Variants in KLHL22 observed in about 807,000 individuals in gnomAD.
The protein encoded by KLHL22 is kelch like family member 22.
KLHL22 carries 18 observed loss-of-function variants against 60.7 expected under a neutral mutation model. The observed-to-expected ratio is 0.30, with a 90% CI of 0.20 to 0.44. The LOEUF (loss-of-function observed/expected upper bound fraction) is 0.44, where lower values mean the gene tolerates loss of function less well. Among genes scored for constraint, KLHL22 ranks in the 20% least tolerant of loss-of-function variants. The probability of loss-of-function intolerance (pLI) is 1.00; values close to 1 mark genes in which losing one functional copy is unlikely to be tolerated. For synonymous variants in KLHL22, 355 were observed against 354.5 expected (o/e 1.00, Z -0.01); for missense variants, 596 against 852.3 (o/e 0.70, Z 3.74).
At chr22:20,489,824 G>A (rs2053653834) in intron 1 of KLHL22, 1 of 470,800 alleles carries the variant, frequency 2.1e-6, no homozygotes, top group African/African-American at 2.0e-5. Flanking sequence ...TGCCAAGGGG[G>A]TGGCATTTCC....
chr22:20,459,584 G>A (rs2053120519), intron 4 of KLHL22, among the ~76,000 whole-genome samples: 1 of 152,210 alleles, frequency 6.6e-6, no homozygotes, highest in South Asian at 2.1e-4. Flanking sequence ...AAGTGTCCTT[G>A]TTAACTTGGG....
Position 20,464,854 on chromosome 22 carries a change from C to T in KLHL22, c.1112+4G>A, listed in dbSNP as rs1177224290. The stretch of plus-strand genomic sequence containing the variant: ...CAAAGGGACCAGCTAGCACCCTGTC[C>T]TACCTCCAGCATCGGGACTCTGCTC... On this transcript the variant is annotated splice_donor_region_variant and intron_variant, in intron 4 of 6. Coordinates refer to ENST00000328879, the MANE Select transcript of KLHL22 (RefSeq NM_032775.4). 9.9e-6 allele frequency: 15 copies of T among 1,514,384 alleles called. No individual in the cohort carries two copies. Among genetic ancestry groups the T allele is most frequent in the African/African-American group, 1.4e-5 (1 of 71,950 alleles). 93.8% of individuals were successfully genotyped at this position (1,514,384 alleles called of 1,614,324 possible).
chr22:20,470,774 GGATGGATGGATA>G (rs1160175889), intron 3 of KLHL22, among the ~76,000 whole-genome samples: 5 of 139,816 alleles, frequency 3.6e-5, no homozygotes, highest in Non-Finnish European at 6.2e-5. Context: ...ATGCATGCAT[GGATGGATGGATA>G]GATGGATGGA....
chr22:20,470,760 A>G (rs1255295196), intron 3 of KLHL22, among the ~76,000 whole-genome samples: 1 of 150,110 alleles, frequency 6.7e-6, no homozygotes, highest in Admixed American at 6.6e-5. Context: ...GCCACCATGG[A>G]TGGATGCATG....
chr22:20,484,508 T>C (rs908801455), intron 2 of KLHL22, among the ~76,000 whole-genome samples: 2 of 152,136 alleles, frequency 1.3e-5, no homozygotes, highest in South Asian at 4.1e-4. Context: ...TTGGCCACAC[T>C]GGTCTTGAAC....
chr22:20,448,533 T>C (rs940991195), intron 5 of KLHL22, among the ~76,000 whole-genome samples: 4 of 152,242 alleles, frequency 2.6e-5, no homozygotes, highest in African/African-American at 9.6e-5. Flanking sequence ...CTATTACCAA[T>C]AAAGCTACTA....
Position 20,465,393 on chromosome 22 carries a change from A to G in KLHL22, c.577T>C (p.Leu193=), listed in dbSNP as rs368788549. The G allele has an allele frequency of 6.5e-5, 105 of 1,614,126 alleles. No individual in the cohort carries two copies. Among genetic ancestry groups the G allele is most frequent in the Admixed American group, 1.2e-4 (7 of 60,012 alleles). The part of the protein sequence containing the change: ...SRTDKYRQLP[L]EKVYSLLSSN... ...CTGAGGAGGGAGTAGACCTTCTCCA[A>G]TGGAAGCTGGCGGTACTTGTCAGTC... The change falls in exon 4 of 7, where the codon TTG becomes CTG. Residue 193 remains leucine (L), a synonymous_variant. Coordinates refer to ENST00000328879, the MANE Select transcript of KLHL22 (RefSeq NM_032775.4). The surrounding 1 kb of genome is among the most constrained non-coding windows in gnomAD (Gnocchi z 4.9).
intron 3 of KLHL22, 96 bp downstream of exon 3, chr22:20,471,254 T>G (rs2053322436): frequency 3.3e-6 from 4 of 1,194,676 alleles, no homozygotes; most frequent in Admixed American, 2.2e-5. Flanking sequence ...TCCTGACCCA[T>G]CTTCAAGCCA....
chr22:20,493,695 T>C (rs2053725158), intron 1 of KLHL22, among the ~76,000 whole-genome samples: 1 of 151,760 alleles, frequency 6.6e-6, no homozygotes, highest in South Asian at 2.1e-4. Flanking sequence ...GGCAGGAGAA[T>C]CACGCCACTG....
At position 20,484,060 on chromosome 22, in the gene KLHL22, G is replaced by C; in HGVS notation, c.227+4925C>G. The C allele has an allele frequency of 5.1e-6, 5 of 978,006 alleles. No individual in the cohort carries two copies. The Admixed American group carries it at 8.8e-5, about 17-fold the overall frequency. 60.6% of individuals were successfully genotyped at this position (978,006 alleles called of 1,614,324 possible). A position where few individuals can be genotyped will look rare whatever the true frequency, so the allele number is the denominator to read the frequency against. ...TAGCTGGGAGCCTGGACAGAGCCCA[G>C]GGACCAGTAGTTGGTGGAGAAGGTA... On this transcript the variant is annotated intron_variant, in intron 2 of 6. Coordinates refer to ENST00000328879, the MANE Select transcript of KLHL22 (RefSeq NM_032775.4).
At chr22:20,464,573 C>A (rs919878469) in intron 4 of KLHL22, among the ~76,000 whole-genome samples, 1 of 152,182 alleles carries the variant, frequency 6.6e-6, no homozygotes, top group Non-Finnish European at 1.5e-5. Flanking sequence ...TCTCCTCCTG[C>A]ACAATGCACT....
chr22:20,476,015 G>A (rs1223977502), intron 2 of KLHL22, among the ~76,000 whole-genome samples: 1 of 152,106 alleles, frequency 6.6e-6, no homozygotes, highest in Admixed American at 6.6e-5. Flanking sequence ...AAACCCTCTT[G>A]GTATTTTAGG....
chr22:20,461,428 T>C (rs1217527639), intron 4 of KLHL22, among the ~76,000 whole-genome samples: 2 of 151,166 alleles, frequency 1.3e-5, no homozygotes, highest in Non-Finnish European at 2.9e-5. Context: ...TGGTGGGCGC[T>C]TGTAGTCCCA....
intron 5 of KLHL22, chr22:20,450,668 A>G: frequency 1.9e-6 from 3 of 1,545,668 alleles, no homozygotes; most frequent in South Asian, 1.1e-5. Flanking sequence ...AAGCTAATCA[A>G]GTGCGATGAA....
Position 20,446,413 on chromosome 22 carries a change from C to T in KLHL22, c.1539+30G>A, listed in dbSNP as rs534306250. ...CAACTGAGAGGCTTGGGAATGATGA[C>T]GGGTGTGGACTGCCCCGGGCCCCAC... is the stretch of plus-strand genomic sequence containing the variant. On this transcript the variant is annotated intron_variant, in intron 6 of 6. Transcript: ENST00000328879. The T allele has an allele frequency of 3.1e-5, 38 of 1,210,894 alleles. 1 individual carries two copies. The highest frequency in any genetic ancestry group is 1.2e-4 in the South Asian group (10 of 81,186). 75.0% of individuals were successfully genotyped at this position (1,210,894 alleles called of 1,614,324 possible).
chr22:20,491,034 A>G (rs2053679217), intron 1 of KLHL22: 1 of 152,226 alleles, frequency 6.6e-6, no homozygotes. Context: ...GGTTCCCAAG[A>G]TCCCCTTCTT....
At chr22:20,489,809 G>A (rs1454915643) in intron 1 of KLHL22, 1 of 471,058 alleles carries the variant, frequency 2.1e-6, no homozygotes, top group Non-Finnish European at 4.4e-6. Context: ...AGTCTGGGAG[G>A]TGGGTGCCAA....
At chr22:20,488,318 T>C (rs2053619937) in intron 2 of KLHL22, among the ~76,000 whole-genome samples, 1 of 152,092 alleles carries the variant, frequency 6.6e-6, no homozygotes. Flanking sequence ...GAAATAAGGG[T>C]GGTGACACCC....
At chr22:20,455,798 G>T (rs994047724) in intron 5 of KLHL22, among the ~76,000 whole-genome samples, 1 of 152,198 alleles carries the variant, frequency 6.6e-6, no homozygotes, top group Non-Finnish European at 1.5e-5. Context: ...ACACTAGCAC[G>T]TAGAGCCACA....
Sources: allele counts gnomAD v4.1 joint callset (sites outside exome capture counted in the v4.1 genomes callset), GRCh38; gene constraint gnomAD v4.1.1; non-coding constraint Gnocchi (gnomAD v3.1); transcripts MANE v1.5; gene names NCBI Gene and HGNC (gene_info 2026-07-23, HGNC 2026-07-21).